ABCB4: variants seen among roughly 807,000 people sequenced by gnomAD.
ABCB4 encodes the protein ATP binding cassette subfamily B member 4.
A neutral mutation model predicts 145.7 loss-of-function variants in ABCB4; 76 were observed. The observed-to-expected ratio is 0.52, with a 90% CI of 0.43 to 0.63. ABCB4 has a LOEUF of 0.63. Among genes scored for constraint, ABCB4 ranks in the 30% least tolerant of loss-of-function variants. The pLI, the probability that ABCB4 is intolerant of heterozygous loss-of-function variation, is 0.00. For missense variants in ABCB4, 1,234 were observed against 1,553.1 expected (o/e 0.79, Z 3.45); for synonymous variants, 517 against 566.8 (o/e 0.91, Z 1.25).
At chr7:87,403,060 T>G in intron 27 of ABCB4, 75 bp downstream of exon 27, 2 of 1,522,590 alleles carry the variant, frequency 1.3e-6, no homozygotes, top group Middle Eastern at 1.7e-4. Context: ...TTGTGTGTGT[T>G]TTTTTCATGG....
chr7:87,367,237 A>G, the ABCB4 span, among the ~76,000 whole-genome samples: 1 of 152,188 alleles, frequency 6.6e-6, no homozygotes, highest in Non-Finnish European at 1.5e-5. Flanking sequence ...GAGGGAGGCA[A>G]AGGAGAGAAC....
intron 7 of ABCB4, among the ~76,000 whole-genome samples, chr7:87,450,826 A>G (rs1811669616): frequency 6.6e-6 from 1 of 152,224 alleles, no homozygotes; most frequent in Non-Finnish European, 1.5e-5. Context: ...TTTCAGGAGA[A>G]AAGCAAAGGA....
chr7:87,421,832 C>T lies in ABCB4; in HGVS notation c.2316+289G>A, dbSNP rs578249148. Among the ~76,000 whole-genome samples, 22 of 152,268 alleles carry T rather than the reference C, an allele frequency of 1.4e-4. 1 individual carries two copies. The South Asian group carries it at 3.1e-3, about 22-fold the overall frequency. Reference sequence around the variant, plus strand: ...GAGAATGCTATTGGACTGTACTTTCCCAGTTCCCAACCTGTTGAATTTAAG... The same window carrying T: ...GAGAATGCTATTGGACTGTACTTTCTCAGTTCCCAACCTGTTGAATTTAAG... On this transcript the variant is annotated intron_variant, in intron 18 of 27. Coordinates refer to ENST00000649586, the MANE Select transcript of ABCB4 (RefSeq NM_000443.4).
intron 14 of ABCB4, among the ~76,000 whole-genome samples, chr7:87,437,920 C>A (rs1810717129): frequency 6.6e-6 from 1 of 152,102 alleles, no homozygotes; most frequent in Non-Finnish European, 1.5e-5. Flanking sequence ...TGCTATGATC[C>A]TATAGAACAC....
At chr7:87,474,427 T>G (rs1813645695) in intron 2 of ABCB4, among the ~76,000 whole-genome samples, 1 of 152,244 alleles carries the variant, frequency 6.6e-6, no homozygotes, top group South Asian at 2.1e-4. Flanking sequence ...GCAAGGTTAC[T>G]GCACAACCAC....
rs1810840937 is a variant in ABCB4 at position 87,439,687 on chromosome 7, C to T, written c.1711G>A (p.Val571Ile). The T allele has an allele frequency of 1.2e-6, 2 of 1,614,182 alleles. No individual in the cohort carries two copies. The highest frequency in any genetic ancestry group is 1.7e-4 in the Middle Eastern group (1 of 6,060). ...CTGACCTTATCCAGAGCTGCCTGTACCTCAGCTTCACTTTCTGTGTCCAAT... is the reference window on the plus strand; with the variant it reads ...CTGACCTTATCCAGAGCTGCCTGTATCTCAGCTTCACTTTCTGTGTCCAAT... ...SALDTESEAE[V>I]QAALDKAREG... Residue 571 changes from valine to isoleucine, a missense_variant, in exon 14 of 28, where the codon GTA becomes ATA. Around this residue, in one of 7 missense-constraint regions of ABCB4, gnomAD observed 467 missense variants for 632.8 expected, o/e 0.74. Coordinates refer to ENST00000649586, the MANE Select transcript of ABCB4 (RefSeq NM_000443.4).
At chr7:87,369,324 A>G in the ABCB4 span, 2 of 1,230,962 alleles carry the variant, frequency 1.6e-6, no homozygotes, top group African/African-American at 1.5e-5. Context: ...ATGCATCTTT[A>G]CTCCTGTTTA....
chr7:87,439,873 C>G, intron 13 of ABCB4, 36 bp from the exon 14 acceptor site: 2 of 1,613,906 alleles, frequency 1.2e-6, no homozygotes, highest in Non-Finnish European at 8.5e-7. Flanking sequence ...CTTGAAGTAA[C>G]TTAAATTTAA....
chr7:87,426,366 G>A (rs772755704), intron 16 of ABCB4, among the ~76,000 whole-genome samples: 4 of 152,118 alleles, frequency 2.6e-5, no homozygotes, highest in Non-Finnish European at 5.9e-5. Flanking sequence ...TTGCTTAAAC[G>A]GATGCTATTC....
At chr7:87,403,590 A>G (rs527337946) in intron 26 of ABCB4, among the ~76,000 whole-genome samples, 7 of 152,368 alleles carry the variant, frequency 4.6e-5, no homozygotes, top group South Asian at 4.1e-4. Context: ...TGCACTGTAC[A>G]TAGTAGTATG....
In ABCB4 at chr7:87,458,987, T is replaced by TTA. The variant is rs755312872; in HGVS notation, c.286+3770_286+3771insTA. Among the ~76,000 whole-genome samples, 1,018 of 120,698 alleles carry TTA rather than the reference T, an allele frequency of 8.4e-3. 21 individuals carry two copies. Among genetic ancestry groups the TTA allele is most frequent in the African/African-American group, 0.028 (943 of 33,346 alleles). The allele number at this position is 120,698 out of a possible 152,430, so 79.2% of individuals were successfully genotyped here. A position where few individuals can be genotyped will look rare whatever the true frequency, so the allele number is the denominator to read the frequency against. On this transcript the variant is annotated intron_variant, in intron 4 of 27. Coordinates refer to ENST00000649586, the MANE Select transcript of ABCB4 (RefSeq NM_000443.4). Reference sequence around the variant, plus strand: ...TTCAGTTTCATAATTAGGCACAAGTTAAAAAAAAAAAAAAAAGCAAACTGC... The same window carrying TTA: ...TTCAGTTTCATAATTAGGCACAAGTTTAAAAAAAAAAAAAAAAAGCAAACTGC...
rs756703527 is a variant in ABCB4 at position 87,472,707 on chromosome 7, C to G, written c.81-32G>C. 4.8e-6 allele frequency: 7 copies of G among 1,443,320 alleles called. No homozygotes were observed. The South Asian group carries it at 5.8e-5, about 12-fold the overall frequency. The allele number at this position is 1,443,320 out of a possible 1,614,324, so 89.4% of individuals were successfully genotyped here. On this transcript the variant is annotated intron_variant, in intron 2 of 27. Coordinates refer to ENST00000649586, the MANE Select transcript of ABCB4 (RefSeq NM_000443.4). The stretch of plus-strand genomic sequence containing the variant: ...AAAATAGAATTGCTTCAATTTAAAA[C>G]TGTTACAAAATGTTTTACAATCAAT...
the ABCB4 span, among the ~76,000 whole-genome samples, chr7:87,380,216 C>A: frequency 4.7e-5 from 1 of 21,304 alleles, no homozygotes; most frequent in Admixed American, 8.7e-4. Flanking sequence ...TGAATATGTT[C>A]TTTTGTGATT....
intron 15 of ABCB4, among the ~76,000 whole-genome samples, chr7:87,429,183 T>C (rs775879486): frequency 2.0e-5 from 3 of 152,048 alleles, no homozygotes; most frequent in Non-Finnish European, 4.4e-5. Flanking sequence ...ACCAAGTAAG[T>C]GGGAGGGCAA....
intron 21 of ABCB4, 36 bp downstream of exon 21, chr7:87,417,275 CA>C: frequency 6.3e-7 from 1 of 1,594,032 alleles, no homozygotes; most frequent in Non-Finnish European, 8.6e-7. Context: ...TGTCTAAAAA[CA>C]ACACTTAACA....
chr7:87,472,390 T>A (rs1457643620), intron 3 of ABCB4, among the ~76,000 whole-genome samples: 1 of 152,126 alleles, frequency 6.6e-6, no homozygotes, highest in Non-Finnish European at 1.5e-5. Context: ...TTAAGATTTT[T>A]ATTTTTATTA....
At chr7:87,393,093 C>T in the ABCB4 span, 2 of 1,609,006 alleles carry the variant, frequency 1.2e-6, no homozygotes, top group South Asian at 1.1e-5. Context: ...TTTATTCTTT[C>T]TGTGCTATAG....
At chr7:87,458,893 A>C (rs1183387829) in intron 4 of ABCB4, among the ~76,000 whole-genome samples, 1 of 151,758 alleles carries the variant, frequency 6.6e-6, no homozygotes, top group Non-Finnish European at 1.5e-5. Context: ...TCTGTAAGTG[A>C]CTTGCTTGTG....
the ABCB4 span, among the ~76,000 whole-genome samples, chr7:87,388,162 A>T: frequency 6.6e-6 from 1 of 152,132 alleles, no homozygotes; most frequent in South Asian, 2.1e-4. Context: ...TTCTCTCCAG[A>T]TCTTGACCCT....
Sources: gnomAD v4.1 joint callset for allele counts (sites outside exome capture counted in the v4.1 genomes callset) on GRCh38, gnomAD v4.1.1 for gene constraint, gnomAD v4.1.1 regional missense constraint, MANE v1.5 for transcripts, NCBI Gene and HGNC (gene_info 2026-07-23, HGNC 2026-07-21) for gene names.